The following MRPL22 variants were observed in gnomAD, a reference collection of about 807,000 sequenced individuals.
MRPL22 encodes the protein mitochondrial ribosomal protein L22.
A neutral mutation model predicts 32.4 loss-of-function variants in MRPL22; 27 were observed. The observed-to-expected ratio is 0.83, with a 90% confidence interval of 0.61 to 1.15. The LOEUF (loss-of-function observed/expected upper bound fraction) is 1.15. Among genes scored for constraint, MRPL22 ranks in the 50% most tolerant of loss-of-function variants. The pLI, the probability that MRPL22 is intolerant of heterozygous loss-of-function variation, is 0.00. For missense variants in MRPL22, 239 were observed against 260.2 expected (o/e 0.92, Z 0.56); for synonymous variants, 86 against 87.3 (o/e 0.99, Z 0.08).
chr5:154,953,582 C>T (rs1314810567), intron 3 of MRPL22, among the ~76,000 whole-genome samples: 1 of 151,764 alleles, frequency 6.6e-6, no homozygotes, highest in Non-Finnish European at 1.5e-5. Flanking sequence ...CCCCCAACAA[C>T]CGTTTCTATA....
chr5:154,952,958 C>A (rs768378448), intron 3 of MRPL22, among the ~76,000 whole-genome samples: 10 of 152,190 alleles, frequency 6.6e-5, no homozygotes, highest in Non-Finnish European at 1.3e-4. Flanking sequence ...TAGAGTTGTT[C>A]TAGGCTACTC....
At position 154,968,818 on chromosome 5, in the gene MRPL22, A is replaced by G. The variant is rs1031977490; in HGVS notation, c.*1921A>G. On this transcript the variant is annotated 3_prime_UTR_variant, in exon 7 of 7. Transcript: ENST00000523037. Reference sequence around the variant, plus strand: ...CTGTAAAAGCTATTTTGAAAGTGGTAAGGAAAAAGTAGGATTGTAATGAAG... The same window carrying G: ...CTGTAAAAGCTATTTTGAAAGTGGTGAGGAAAAAGTAGGATTGTAATGAAG... The G allele has an allele frequency of 6.6e-6, 1 of 152,228 alleles. No individual in the cohort carries two copies. Among genetic ancestry groups the G allele is most frequent in the African/African-American group, 2.4e-5 (1 of 41,456 alleles). 9.4% of individuals were successfully genotyped at this position (152,228 alleles called of 1,614,324 possible). A position where few individuals can be genotyped will look rare whatever the true frequency, so the allele number is the denominator to read the frequency against.
At chr5:154,952,873 T>C (rs1764581732) in intron 3 of MRPL22, among the ~76,000 whole-genome samples, 2 of 152,194 alleles carry the variant, frequency 1.3e-5, no homozygotes, top group African/African-American at 4.8e-5. Flanking sequence ...CATTAGAATA[T>C]ATAGTCAATA....
intron 6 of MRPL22, among the ~76,000 whole-genome samples, chr5:154,964,634 A>C (rs1269240392): frequency 6.6e-6 from 1 of 152,224 alleles, no homozygotes; most frequent in Non-Finnish European, 1.5e-5. Flanking sequence ...CATGGCTTTA[A>C]GATATGCAGA....
At chr5:154,954,205 G>A (rs1276864725) in intron 3 of MRPL22, among the ~76,000 whole-genome samples, 1 of 151,964 alleles carries the variant, frequency 6.6e-6, no homozygotes, top group African/African-American at 2.4e-5. Flanking sequence ...GCCCAGGCTG[G>A]TCTCAAACTC....
At chr5:154,943,583 C>CATATATAT in intron 2 of MRPL22, among the ~76,000 whole-genome samples, 1 of 151,456 alleles carries the variant, frequency 6.6e-6, no homozygotes, top group African/African-American at 2.4e-5. Flanking sequence ...TATATATACA[C>CATATATAT]ACATATATGC....
chr5:154,944,856 T>G (rs1040230094), intron 2 of MRPL22, among the ~76,000 whole-genome samples: 3 of 152,190 alleles, frequency 2.0e-5, no homozygotes, highest in African/African-American at 7.2e-5. Context: ...CAAACAGCAT[T>G]CTGTGCAGAT....
chr5:154,951,351 T>C (rs1764559344), intron 3 of MRPL22, among the ~76,000 whole-genome samples: 1 of 152,192 alleles, frequency 6.6e-6, no homozygotes, highest in South Asian at 2.1e-4. Context: ...TTTGTTTGTT[T>C]GTTTTGCAAT....
At chr5:154,948,822 T>C (rs1173021482) in intron 2 of MRPL22, among the ~76,000 whole-genome samples, 3 of 152,236 alleles carry the variant, frequency 2.0e-5, no homozygotes, top group Non-Finnish European at 1.5e-5. Context: ...ATTCTTTCTC[T>C]TCATTCACCA....
At chr5:154,962,058 A>G (rs1764712924) in intron 6 of MRPL22, among the ~76,000 whole-genome samples, 1 of 152,062 alleles carries the variant, frequency 6.6e-6, no homozygotes, top group African/African-American at 2.4e-5. Flanking sequence ...CTTTTCATCT[A>G]CTTCTGTGTT....
intron 2 of MRPL22, among the ~76,000 whole-genome samples, chr5:154,947,166 G>A (rs1050582368): frequency 1.3e-5 from 2 of 152,130 alleles, no homozygotes; most frequent in African/African-American, 4.8e-5. Context: ...AAGGCTATGA[G>A]GTAATTATTA....
rs765214057 is a variant in MRPL22, at chr5:154,941,307, CTT to C, written c.77+44_77+45del. On this transcript the variant is annotated intron_variant, in intron 2 of 6. Coordinates refer to ENST00000523037, the MANE Select transcript of MRPL22 (RefSeq NM_014180.4). The stretch of plus-strand genomic sequence containing the variant: ...GGAGTTTCGGAAGGGCCCAAGGCAT[CTT>C]TAGTATTCTGCCAGTTGGTAACTGA... 2,337 of 1,610,846 alleles carry C rather than the reference CTT, an allele frequency of 1.5e-3. 3 individuals are homozygous for C. Among genetic ancestry groups the C allele is most frequent in the Non-Finnish European group, 1.6e-3 (1,902 of 1,179,076 alleles).
chr5:154,966,919 G>A lies in MRPL22; in HGVS notation c.*22G>A, dbSNP rs760065434. The A allele has an allele frequency of 2.5e-6, 4 of 1,569,446 alleles. No individual in the cohort carries two copies. In the African/African-American group the frequency reaches 4.1e-5, roughly 16 times the overall value. On this transcript the variant is annotated 3_prime_UTR_variant, in exon 7 of 7. Transcript: ENST00000523037. ...ATGATGAGGAGATTCAGACTCCACA[G>A]TGTATATATTTTGCCATTTATTTTC...
intron 6 of MRPL22, among the ~76,000 whole-genome samples, chr5:154,963,993 A>C (rs1427444299): frequency 1.3e-5 from 2 of 152,178 alleles, no homozygotes; most frequent in Non-Finnish European, 2.9e-5. Context: ...AGTGTGAAGG[A>C]AGTAGAAGTT....
At chr5:154,960,102 TG>T in intron 6 of MRPL22, 53 bp downstream of exon 6, 1 of 1,291,128 alleles carries the variant, frequency 7.7e-7, no homozygotes, top group Non-Finnish European at 1.1e-6. Context: ...AGTAATGCCA[TG>T]TTTTTTATCT....
At chr5:154,966,394 T>A (rs1029824193) in intron 6 of MRPL22, among the ~76,000 whole-genome samples, 10 of 152,232 alleles carry the variant, frequency 6.6e-5, no homozygotes, top group Admixed American at 1.3e-4. Flanking sequence ...TTCACAGCAC[T>A]TGTCACTAGC....
chr5:154,949,072 T>TA (rs1196730020), intron 2 of MRPL22, among the ~76,000 whole-genome samples: 8 of 152,228 alleles, frequency 5.3e-5, no homozygotes, highest in African/African-American at 1.9e-4. Context: ...TGCTTTCTGA[T>TA]ATGACAAGAT....
At chr5:154,960,872 G>A (rs1384731289) in intron 6 of MRPL22, among the ~76,000 whole-genome samples, 3 of 152,116 alleles carry the variant, frequency 2.0e-5, no homozygotes, top group Non-Finnish European at 4.4e-5. Context: ...CAAAGATGTT[G>A]ATGTTGAAGC....
At chr5:154,943,857 G>A (rs1162466737) in intron 2 of MRPL22, among the ~76,000 whole-genome samples, 1 of 151,654 alleles carries the variant, frequency 6.6e-6, no homozygotes, top group Non-Finnish European at 1.5e-5. Context: ...TAGAGACAAA[G>A]TCCTGTTATA....
Sources: gnomAD v4.1 joint callset for allele counts (sites outside exome capture counted in the v4.1 genomes callset) on GRCh38, gnomAD v4.1.1 for gene constraint, MANE v1.5 for transcripts, NCBI Gene and HGNC (gene_info 2026-07-23, HGNC 2026-07-21) for gene names.